The following PDIK1L variants were observed in gnomAD, a reference collection of about 807,000 sequenced individuals.
The protein encoded by PDIK1L is PDLIM1 interacting kinase 1 like.
In PDIK1L, 9 loss-of-function variants were observed where a neutral mutation model predicts 27.1. That is an observed-to-expected ratio of 0.33 (90% CI 0.20 to 0.58). The LOEUF is 0.58. PDIK1L is among the 20% of genes least tolerant of loss of function. PDIK1L has a pLI of 0.86. For missense variants in PDIK1L, 216 were observed against 413.2 expected (o/e 0.52, Z 4.14); for synonymous variants, 130 against 141.7 (o/e 0.92, Z 0.59).
chr1:26,116,202 CAAA>C (rs56019165), intron 2 of PDIK1L, among the ~76,000 whole-genome samples: 1 of 128,540 alleles, frequency 7.8e-6, no homozygotes, highest in Non-Finnish European at 1.7e-5. Flanking sequence ...GACTCCATCT[CAAA>C]AAAAAAAAAA....
intron 2 of PDIK1L, 124 bp from the exon 3 acceptor site, chr1:26,121,713 T>C: frequency 1.9e-6 from 2 of 1,031,348 alleles, no homozygotes; most frequent in Non-Finnish European, 2.7e-6. Flanking sequence ...ACTGATTAAA[T>C]AAAATATTTA....
intron 2 of PDIK1L, among the ~76,000 whole-genome samples, chr1:26,118,410 TAA>T (rs2087917737): frequency 6.6e-6 from 1 of 152,232 alleles, no homozygotes; most frequent in South Asian, 2.1e-4. Flanking sequence ...CATAAAGTTT[TAA>T]GATGTAAAGG....
In PDIK1L at chr1:26,113,461, C is replaced by T. The variant is rs375666916; in HGVS notation, c.-17-831C>T. 1.4e-5 allele frequency among the ~76,000 whole-genome samples: 2 copies of T among 145,136 alleles called. 1 individual carries two copies. On this transcript the variant is annotated intron_variant, in intron 1 of 2. Coordinates refer to ENST00000374269, the MANE Select transcript of PDIK1L (RefSeq NM_152835.5). The stretch of plus-strand genomic sequence containing the variant: ...GAGCCGAGATCAAGTCATTGCACTC[C>T]AGCCTGGGAGACAGAGCGAGAGAGC...
chr1:26,114,931 G>A lies in PDIK1L; in HGVS notation c.285+338G>A, dbSNP rs1021410318. Among the ~76,000 whole-genome samples, 1 of 152,214 alleles carries A rather than the reference G, an allele frequency of 6.6e-6. No homozygotes were observed. The highest frequency in any genetic ancestry group is 1.5e-5 in the Non-Finnish European group (1 of 68,042). On this transcript the variant is annotated intron_variant, in intron 2 of 2. Coordinates refer to ENST00000374269, the MANE Select transcript of PDIK1L (RefSeq NM_152835.5). This position sits in a 1 kb window ranked among gnomAD's most constrained non-coding sequence, Gnocchi z 4.8. The stretch of plus-strand genomic sequence containing the variant: ...ATCAATAATTTTGGACTTGAGGACA[G>A]AAGAAAAGGAAAAATTCCACAACCA...
rs2124476096 is a variant in PDIK1L at position 26,123,255 on chromosome 1, A to G, written c.*678A>G. 6.6e-6 allele frequency: 1 copy of G among 152,110 alleles called. No individual in the cohort carries two copies. The highest frequency in any genetic ancestry group is 2.1e-4 in the South Asian group (1 of 4,824). The allele number at this position is 152,110 out of a possible 1,614,324, so 9.4% of individuals were successfully genotyped here. On this transcript the variant is annotated 3_prime_UTR_variant, in exon 3 of 3. Transcript: ENST00000374269. Reference sequence around the variant, plus strand: ...GGTCTAAAATTATCTGGTAAAACAAATGAAATTAAGTGATCCAAAGCTGCT... The same window carrying G: ...GGTCTAAAATTATCTGGTAAAACAAGTGAAATTAAGTGATCCAAAGCTGCT...
chr1:26,114,476 A>C lies in PDIK1L; in HGVS notation c.168A>C (p.Ala56=), dbSNP rs1380935950. Residue 56 remains alanine, a synonymous_variant, in exon 2 of 3, where the codon GCA becomes GCC. Transcript: ENST00000374269. This position sits in a 1 kb window ranked among gnomAD's most constrained non-coding sequence, Gnocchi z 4.8. ...NVELALREFW[A]LSSIKSQHPN... ...AACTAGCCCTTCGTGAGTTCTGGGC[A>C]CTAAGCAGTATCAAGAGCCAACATC... 1 of 1,614,202 alleles carries C rather than the reference A, an allele frequency of 6.2e-7. No homozygotes were observed. Among genetic ancestry groups the C allele is most frequent in the Admixed American group, 1.7e-5 (1 of 60,018 alleles).
chr1:26,121,815 T>C, intron 2 of PDIK1L, 22 bp from the exon 3 acceptor site: 1 of 1,582,036 alleles, frequency 6.3e-7, no homozygotes, highest in East Asian at 2.2e-5. Flanking sequence ...ATGATTGTAA[T>C]CTTTTTTCTT....
chr1:26,122,172 T>C lies in PDIK1L; in HGVS notation c.621T>C (p.Pro207=), dbSNP rs1237876171. 6.2e-7 allele frequency: 1 copy of C among 1,614,234 alleles called. No homozygotes were observed. Among genetic ancestry groups the C allele is most frequent in the Admixed American group, 1.7e-5 (1 of 60,018 alleles). The change falls in exon 3 of 3, where the codon CCT becomes CCC. Residue 207 remains proline (P), a synonymous_variant. Transcript: ENST00000374269. This position sits in a 1 kb window ranked among gnomAD's most constrained non-coding sequence, Gnocchi z 5.4. The part of the protein sequence containing the change: ...CSASGQNPEE[P]VSVNKCFLST... Reference sequence around the variant, plus strand: ...CCTCTGGGCAGAACCCAGAAGAACCTGTCAGTGTAAACAAGTGTTTCCTTT... The same window carrying C: ...CCTCTGGGCAGAACCCAGAAGAACCCGTCAGTGTAAACAAGTGTTTCCTTT...
upstream of PDIK1L, chr1:26,111,445 G>A (rs1335619891): frequency 6.6e-6 from 1 of 151,796 alleles, no homozygotes; most frequent in African/African-American, 2.4e-5. This position sits in a 1 kb window ranked among gnomAD's most constrained non-coding sequence, Gnocchi z 4.0. Flanking sequence ...GGCGGGTAGA[G>A]GGAGGGGAGG....
In PDIK1L at chr1:26,122,028, G is replaced by A. The variant is rs1239807662; in HGVS notation, c.477G>A (p.Gln159=). Reference sequence around the variant, plus strand: ...CCCTGGCTTTCTTGCATAAAAACCAGATCATCCACCGAGATCTTAAGCCTG... The same window carrying A: ...CCCTGGCTTTCTTGCATAAAAACCAAATCATCCACCGAGATCTTAAGCCTG... ...SSALAFLHKN[Q]IIHRDLKPDN... The change falls in exon 3 of 3, where the codon CAG becomes CAA. Residue 159 remains glutamine, a synonymous_variant. Coordinates refer to ENST00000374269, the MANE Select transcript of PDIK1L (RefSeq NM_152835.5). The surrounding 1 kb of genome is among the most constrained non-coding windows in gnomAD (Gnocchi z 5.4). 1 of 1,612,718 alleles carries A rather than the reference G, an allele frequency of 6.2e-7. No homozygotes were observed. The highest frequency in any genetic ancestry group is 1.3e-5 in the African/African-American group (1 of 74,502).
chr1:26,122,022 A>G lies in PDIK1L; in HGVS notation c.471A>G (p.Lys157=), dbSNP rs2087997658. The part of the protein sequence containing the change: ...QLSSALAFLH[K]NQIIHRDLKP... Reference sequence around the variant, plus strand: ...GCAGTGCCCTGGCTTTCTTGCATAAAAACCAGATCATCCACCGAGATCTTA... The same window carrying G: ...GCAGTGCCCTGGCTTTCTTGCATAAGAACCAGATCATCCACCGAGATCTTA... The change falls in exon 3 of 3, where the codon AAA becomes AAG. Residue 157 remains lysine, a synonymous_variant. Coordinates refer to ENST00000374269, the MANE Select transcript of PDIK1L (RefSeq NM_152835.5). This position sits in a 1 kb window ranked among gnomAD's most constrained non-coding sequence, Gnocchi z 5.4. 6.2e-7 allele frequency: 1 copy of G among 1,613,828 alleles called. No individual in the cohort carries two copies. The highest frequency in any genetic ancestry group is 2.2e-5 in the East Asian group (1 of 44,876).
chr1:26,115,770 C>A (rs1304846704), intron 2 of PDIK1L, among the ~76,000 whole-genome samples: 1 of 151,730 alleles, frequency 6.6e-6, no homozygotes, highest in Admixed American at 6.5e-5. Flanking sequence ...CCACTGCACT[C>A]CAGCCTGGGC....
In PDIK1L at chr1:26,114,518, G is replaced by A; in HGVS notation, c.210G>A (p.Leu70=). 6.2e-7 allele frequency: 1 copy of A among 1,614,172 alleles called. No individual in the cohort carries two copies. Reference sequence around the variant, plus strand: ...GCCAACATCCAAATGTGATTCACTTGGAGGAATGCATCCTACAAAAGGATG... The same window carrying A: ...GCCAACATCCAAATGTGATTCACTTAGAGGAATGCATCCTACAAAAGGATG... The part of the protein sequence containing the change: ...IKSQHPNVIH[L]EECILQKDGM... The change falls in exon 2 of 3, where the codon TTG becomes TTA. Residue 70 remains leucine, a synonymous_variant. Coordinates refer to ENST00000374269, the MANE Select transcript of PDIK1L (RefSeq NM_152835.5). The surrounding 1 kb of genome is among the most constrained non-coding windows in gnomAD (Gnocchi z 4.8).
upstream of PDIK1L, chr1:26,111,203 C>T: frequency 6.3e-6 from 1 of 158,182 alleles, no homozygotes; most frequent in Non-Finnish European, 1.4e-5. This position sits in a 1 kb window ranked among gnomAD's most constrained non-coding sequence, Gnocchi z 4.0. Flanking sequence ...GCCGCCGCCG[C>T]CGTCTCCGCA....
intron 2 of PDIK1L, among the ~76,000 whole-genome samples, chr1:26,120,252 C>T (rs2087956450): frequency 6.6e-6 from 1 of 152,180 alleles, no homozygotes; most frequent in South Asian, 2.1e-4. Flanking sequence ...TGGCCTTACT[C>T]TAAAACATTC....
At position 26,123,386 on chromosome 1, in the gene PDIK1L, C is replaced by T. The variant is rs962421891; in HGVS notation, c.*809C>T. The T allele has an allele frequency of 2.6e-5, 4 of 152,324 alleles. No homozygotes were observed. The highest frequency in any genetic ancestry group is 6.6e-5 in the Admixed American group (1 of 15,256). 9.4% of individuals were successfully genotyped at this position (152,324 alleles called of 1,614,324 possible). A position where few individuals can be genotyped will look rare whatever the true frequency, so the allele number is the denominator to read the frequency against. On this transcript the variant is annotated 3_prime_UTR_variant, in exon 3 of 3. Transcript: ENST00000374269. ...TTCAGTCCGACCTTCTTTAGGTAAC[C>T]GAGCATTTATTTAACCAACTATACC... is the stretch of plus-strand genomic sequence containing the variant.
chr1:26,113,387 G>T (rs2087828782), intron 1 of PDIK1L, among the ~76,000 whole-genome samples: 1 of 151,710 alleles, frequency 6.6e-6, no homozygotes, highest in Non-Finnish European at 1.5e-5. Context: ...AGCTACTCGG[G>T]AGGCTGAGGC....
In PDIK1L at chr1:26,122,103, T is replaced by C; in HGVS notation, c.552T>C (p.Pro184=). Residue 184 remains proline, a synonymous_variant, in exon 3 of 3, where the codon CCT becomes CCC. Coordinates refer to ENST00000374269, the MANE Select transcript of PDIK1L (RefSeq NM_152835.5). The surrounding 1 kb of genome is among the most constrained non-coding windows in gnomAD (Gnocchi z 5.4). ...GGTTGGATACCAGTGACTTGGAACC[T>C]ACCCTCAAAGTGGCTGATTTTGGTC... ...QTRLDTSDLE[P]TLKVADFGLS... is the part of the protein sequence containing the mutation. 1 of 1,614,002 alleles carries C rather than the reference T, an allele frequency of 6.2e-7. No homozygotes were observed. Among genetic ancestry groups the C allele is most frequent in the Non-Finnish European group, 8.5e-7 (1 of 1,179,990 alleles).
At position 26,124,379 on chromosome 1, in the gene PDIK1L, C is replaced by A. The variant is rs1045407115; in HGVS notation, c.*1802C>A. On this transcript the variant is annotated 3_prime_UTR_variant, in exon 3 of 3. Transcript: ENST00000374269. ...ATTAGAGGTGGAAACACACTGGAACCTCATGATAATTGACCCTCTGGATCA... is the reference window on the plus strand; with the variant it reads ...ATTAGAGGTGGAAACACACTGGAACATCATGATAATTGACCCTCTGGATCA... 6.6e-6 allele frequency: 1 copy of A among 152,116 alleles called. No homozygotes were observed. 9.4% of individuals were successfully genotyped at this position (152,116 alleles called of 1,614,324 possible). A position where few individuals can be genotyped will look rare whatever the true frequency, so the allele number is the denominator to read the frequency against.
Sources: allele counts gnomAD v4.1 joint callset (sites outside exome capture counted in the v4.1 genomes callset), GRCh38; gene constraint gnomAD v4.1.1; non-coding constraint Gnocchi (gnomAD v3.1); transcripts MANE v1.5; gene names NCBI Gene and HGNC (gene_info 2026-07-23, HGNC 2026-07-21).